The following CADPS2 variants were observed in gnomAD, a reference collection of about 807,000 sequenced individuals.
CADPS2 encodes the protein calcium dependent secretion activator 2.
CADPS2 carries 93 observed loss-of-function variants against 172.5 expected under a neutral mutation model. The observed-to-expected ratio is 0.54, with a 90% CI of 0.46 to 0.64. CADPS2 has a LOEUF of 0.64. Ranked by LOEUF, CADPS2 falls within the 30% of genes least tolerant of loss-of-function variation. The pLI, the probability that CADPS2 is intolerant of heterozygous loss-of-function variation, is 0.00. For missense variants in CADPS2, 1,420 were observed against 1,565.9 expected, an observed-to-expected ratio of 0.91 and a Z score of 1.57; for synonymous variants, 546 against 555.2, an observed-to-expected ratio of 0.98 and a Z score of 0.23.
intron 1 of CADPS2, among the ~76,000 whole-genome samples, chr7:122,738,326 G>A (rs1298379057): frequency 6.6e-6 from 1 of 151,980 alleles, no homozygotes; most frequent in Non-Finnish European, 1.5e-5. Flanking sequence ...TAGGCACTAA[G>A]CCCTGCACAA....
chr7:122,477,021 AGGAGAGGAGAGGAGAG>A (rs1253904068), intron 12 of CADPS2, among the ~76,000 whole-genome samples: 2 of 105,104 alleles, frequency 1.9e-5, no homozygotes, highest in African/African-American at 4.3e-5. Context: ...AGGAGAGGAG[AGGAGAGGAGAGGAGAG>A]GAGAGGAGAG....
At chr7:122,503,354 C>G (rs2059371870) in intron 9 of CADPS2, among the ~76,000 whole-genome samples, 1 of 152,000 alleles carries the variant, frequency 6.6e-6, no homozygotes, top group Non-Finnish European at 1.5e-5. Context: ...TCAATGATTG[C>G]AAGTAGATAT....
At chr7:122,697,965 T>G in intron 2 of CADPS2, 1 of 1,613,472 alleles carries the variant, frequency 6.2e-7, no homozygotes, top group Non-Finnish European at 8.5e-7. Context: ...ACATTAGAAC[T>G]TGCAAAGGTT....
chr7:122,490,861 T>G (rs1346448504), intron 10 of CADPS2, among the ~76,000 whole-genome samples: 1 of 152,170 alleles, frequency 6.6e-6, no homozygotes, highest in Non-Finnish European at 1.5e-5. Context: ...ATTCATTCAT[T>G]CAATTTTTTA....
chr7:122,863,579 C>G (rs1157090444), intron 1 of CADPS2, among the ~76,000 whole-genome samples: 1 of 151,840 alleles, frequency 6.6e-6, no homozygotes, highest in Non-Finnish European at 1.5e-5. Context: ...CAAAGGAAGA[C>G]AAGATGGGTA....
chr7:122,598,219 T>A (rs886407507), intron 6 of CADPS2, among the ~76,000 whole-genome samples: 20 of 152,170 alleles, frequency 1.3e-4, no homozygotes, highest in Admixed American at 1.2e-3. Flanking sequence ...ATAGAAATAT[T>A]CTACCTTTGC....
chr7:122,587,948 A>G (rs1325239422), intron 6 of CADPS2, among the ~76,000 whole-genome samples: 1 of 152,036 alleles, frequency 6.6e-6, no homozygotes, highest in African/African-American at 2.4e-5. Flanking sequence ...TTTGACTTGT[A>G]TTTCTCTAAT....
intron 2 of CADPS2, among the ~76,000 whole-genome samples, chr7:122,717,142 T>C (rs537912676): frequency 8.5e-5 from 13 of 152,296 alleles, no homozygotes; most frequent in Non-Finnish European, 1.5e-4. Context: ...CAATTTATCC[T>C]ACAGCTTATT....
At chr7:122,657,701 G>C (rs1049933983) in intron 3 of CADPS2, among the ~76,000 whole-genome samples, 3 of 152,174 alleles carry the variant, frequency 2.0e-5, no homozygotes, top group East Asian at 3.9e-4. Flanking sequence ...AGCTTAAGGA[G>C]ATTTGGGGCT....
intron 3 of CADPS2, among the ~76,000 whole-genome samples, chr7:122,636,031 G>A (rs2077037381): frequency 6.6e-6 from 1 of 152,088 alleles, no homozygotes; most frequent in East Asian, 1.9e-4. Context: ...ACAGACAGTT[G>A]GTTCTTGTCT....
At chr7:122,645,544 A>ACT (rs1351165271) in intron 3 of CADPS2, among the ~76,000 whole-genome samples, 8 of 121,480 alleles carry the variant, frequency 6.6e-5, no homozygotes, top group Non-Finnish European at 1.3e-4. Flanking sequence ...ATATATACTT[A>ACT]TATATATACT....
At chr7:122,580,533 C>T (rs2068672818) in intron 7 of CADPS2, among the ~76,000 whole-genome samples, 1 of 151,740 alleles carries the variant, frequency 6.6e-6, no homozygotes, top group South Asian at 2.1e-4. Flanking sequence ...ACACCTACTT[C>T]ATTTATAAGT....
intron 25 of CADPS2, among the ~76,000 whole-genome samples, chr7:122,369,117 A>T (rs1392831544): frequency 1.5e-5 from 2 of 129,248 alleles, no homozygotes; most frequent in African/African-American, 5.5e-5. Flanking sequence ...TGGCTAGAAG[A>T]ATTTTTGTTT....
chr7:122,509,486 A>T (rs1241014369), intron 9 of CADPS2, among the ~76,000 whole-genome samples: 1 of 152,168 alleles, frequency 6.6e-6, no homozygotes, highest in African/African-American at 2.4e-5. Context: ...GTTTCCAATG[A>T]TGTCACACAG....
intron 2 of CADPS2, among the ~76,000 whole-genome samples, chr7:122,674,281 C>T (rs1032192085): frequency 1.3e-5 from 2 of 152,224 alleles, no homozygotes; most frequent in Non-Finnish European, 2.9e-5. Flanking sequence ...GCTCCCACAG[C>T]GCAGCGGTGG....
intron 9 of CADPS2, among the ~76,000 whole-genome samples, chr7:122,495,015 G>C (rs917037161): frequency 4.0e-5 from 6 of 151,598 alleles, no homozygotes; most frequent in Admixed American, 2.0e-4. Flanking sequence ...AAACAATAAC[G>C]GTCCAACTGT....
At chr7:122,718,290 T>C (rs1358414857) in intron 2 of CADPS2, among the ~76,000 whole-genome samples, 4 of 151,976 alleles carry the variant, frequency 2.6e-5, no homozygotes, top group Non-Finnish European at 1.5e-5. Flanking sequence ...TTCCTATATA[T>C]CTGGAAATTT....
intron 4 of CADPS2, among the ~76,000 whole-genome samples, chr7:122,625,053 ATTT>A (rs35127611): frequency 6.8e-6 from 1 of 147,842 alleles, no homozygotes; most frequent in African/African-American, 2.5e-5. Context: ...ATGATTAATT[ATTT>A]TTTTTTTTTT....
At chr7:122,776,909 G>A (rs2093900962) in intron 1 of CADPS2, among the ~76,000 whole-genome samples, 1 of 152,142 alleles carries the variant, frequency 6.6e-6, no homozygotes, top group South Asian at 2.1e-4. Flanking sequence ...CCAGCACTTT[G>A]GGAGACAGAG....
Sources: gnomAD v4.1 joint callset for allele counts (sites outside exome capture counted in the v4.1 genomes callset) on GRCh38, gnomAD v4.1.1 for gene constraint, MANE v1.5 for transcripts, NCBI Gene and HGNC (gene_info 2026-07-23, HGNC 2026-07-21) for gene names.